PSG11: variants seen among roughly 807,000 people sequenced by gnomAD.
PSG11 encodes the protein pregnancy specific beta-1-glycoprotein 11.
PSG11 carries 42 observed loss-of-function variants against 36.0 expected under a neutral mutation model. The observed-to-expected ratio is 1.17, with a 90% confidence interval of 0.91 to 1.51. The LOEUF is 1.51. PSG11 is among the 40% of genes most tolerant of loss of function. PSG11 has a pLI of 0.00. For synonymous variants in PSG11, 206 were observed against 153.5 expected, an observed-to-expected ratio of 1.34 and a Z score of -2.53; for missense variants, 558 against 403.5, an observed-to-expected ratio of 1.38 and a Z score of -3.28.
rs969875621 is a variant in PSG11, at chr19:43,010,233, G to T, written c.965-192C>A. ...TTCCCTCTCACCATGTTTCTCAGTT[G>T]GTGATCAGTCCTCTGTCAATTCTCT... On this transcript the variant is annotated intron_variant, in intron 4 of 5. Transcript: ENST00000320078. 2.8e-5 allele frequency: 41 copies of T among 1,452,292 alleles called. 2 individuals are homozygous for T. Among genetic ancestry groups the T allele is most frequent in the Non-Finnish European group, 3.7e-5 (41 of 1,101,518 alleles). 90.0% of individuals were successfully genotyped at this position (1,452,292 alleles called of 1,614,324 possible).
rs1187201874 is a variant in PSG11, at chr19:43,007,910, C to T, written c.*173G>A. ...TCCAATGAAATGGAGTTCTTTTCTT[C>T]TTTGTCTTGAATTTCATGAAGGTAT... is the stretch of plus-strand genomic sequence containing the variant. On this transcript the variant is annotated 3_prime_UTR_variant, in exon 6 of 6. Coordinates refer to ENST00000320078, the MANE Select transcript of PSG11 (RefSeq NM_002785.3). 2 of 388,518 alleles carry T rather than the reference C, an allele frequency of 5.1e-6. No individual in the cohort carries two copies. Among genetic ancestry groups the T allele is most frequent in the African/African-American group, 2.1e-5 (1 of 47,636 alleles). The allele number at this position is 388,518 out of a possible 1,614,324, so 24.1% of individuals were successfully genotyped here.
intron 2 of PSG11, 39 bp downstream of exon 2, chr19:43,024,652 C>G (rs1437545911): frequency 6.2e-7 from 1 of 1,609,374 alleles, no homozygotes; most frequent in Admixed American, 1.7e-5. Context: ...GAAGTGACCC[C>G]TGTCCCCCAA....
chr19:43,023,341 G>C (rs1369953308), intron 2 of PSG11, among the ~76,000 whole-genome samples: 1 of 150,938 alleles, frequency 6.6e-6, no homozygotes, highest in Non-Finnish European at 1.5e-5. Context: ...TCCTGAGTGT[G>C]TGTCTCTCGC....
chr19:43,020,637 C>G (rs1217379590), intron 2 of PSG11, among the ~76,000 whole-genome samples: 3 of 151,284 alleles, frequency 2.0e-5, no homozygotes, highest in African/African-American at 7.3e-5. Context: ...TGAATTCCAG[C>G]AGGATCACAT....
At chr19:43,025,831 C>T (rs1288159724) in intron 1 of PSG11, among the ~76,000 whole-genome samples, 5 of 149,768 alleles carry the variant, frequency 3.3e-5, no homozygotes, top group Non-Finnish European at 7.4e-5. Context: ...CTTACCAATT[C>T]CGGTTCAATG....
chr19:43,010,182 A>T, intron 4 of PSG11, 141 bp from the exon 5 acceptor site: 1 of 1,459,066 alleles, frequency 6.9e-7, no homozygotes, highest in Non-Finnish European at 9.1e-7. Flanking sequence ...AATTGATGGG[A>T]GATGATTATA....
intron 5 of PSG11, among the ~76,000 whole-genome samples, 157 bp downstream of exon 5, chr19:43,009,801 A>G (rs1974026836): frequency 6.6e-6 from 1 of 151,328 alleles, no homozygotes; most frequent in African/African-American, 2.4e-5. Context: ...CATAAAGGCC[A>G]GGGAGAAAGG....
chr19:43,015,301 G>A lies in PSG11; in HGVS notation c.779C>T (p.Ser260Phe), dbSNP rs1966932696. ...SYYSGENLDLSCFANSNPPAQ... is the reference protein window; with the variant it reads ...SYYSGENLDLFCFANSNPPAQ... ...TGGTGGGTTAGAGTTTGCGAAGCAG[G>A]ACAAGTCGAGGTTCTCTCCTGAATA... Residue 260 changes from serine (S) to phenylalanine (F), a missense_variant, in exon 4 of 6, where the codon TCC (serine) becomes TTC (phenylalanine). Transcript: ENST00000320078. 22 of 1,610,394 alleles carry A rather than the reference G, an allele frequency of 1.4e-5. 1 individual carries two copies. The highest frequency in any genetic ancestry group is 1.9e-5 in the Non-Finnish European group (22 of 1,177,478).
rs1966978893 is a variant in PSG11 at position 43,016,827 on chromosome 19, T to C, written c.710-1457A>G. On this transcript the variant is annotated intron_variant, in intron 3 of 5. Transcript: ENST00000320078. The stretch of plus-strand genomic sequence containing the variant: ...TTCTGCAGAGGGCAGGTGAGGACCA[T>C]GTGGATCTTTCCAGAAATACATGTG... 2.0e-5 allele frequency among the ~76,000 whole-genome samples: 3 copies of C among 151,464 alleles called. 1 individual carries two copies. The highest frequency in any genetic ancestry group is 4.4e-5 in the Non-Finnish European group (3 of 67,906).
At position 43,015,984 on chromosome 19, in the gene PSG11, G is replaced by T. The variant is rs1405527783; in HGVS notation, c.710-614C>A. The stretch of plus-strand genomic sequence containing the variant: ...TCTTAGGTTCACAGGTGAAGGTTAA[G>T]ACATCCTTATTCTCCCTGGGGTTTA... On this transcript the variant is annotated intron_variant, in intron 3 of 5. Coordinates refer to ENST00000320078, the MANE Select transcript of PSG11 (RefSeq NM_002785.3). 38 of 1,610,072 alleles carry T rather than the reference G, an allele frequency of 2.4e-5. 2 individuals are homozygous for T. The highest frequency in any genetic ancestry group is 8.1e-5 in the African/African-American group (6 of 74,220).
chr19:43,025,556 G>A (rs1008387952), intron 1 of PSG11, among the ~76,000 whole-genome samples: 8 of 151,162 alleles, frequency 5.3e-5, no homozygotes, highest in Middle Eastern at 3.5e-3. Flanking sequence ...AGCTCCGTGA[G>A]GACAGGGACT....
chr19:43,010,974 T>C (rs1440396188), intron 4 of PSG11, among the ~76,000 whole-genome samples: 1 of 150,574 alleles, frequency 6.6e-6, no homozygotes, highest in African/African-American at 2.5e-5. Flanking sequence ...TGCTAAATAC[T>C]TTACCTGTAT....
At chr19:43,016,653 G>C (rs1215116930) in intron 3 of PSG11, among the ~76,000 whole-genome samples, 3 of 151,462 alleles carry the variant, frequency 2.0e-5, no homozygotes, top group Admixed American at 2.0e-4. Context: ...TTTTGCAGGT[G>C]TTTCATGATG....
intron 4 of PSG11, among the ~76,000 whole-genome samples, chr19:43,012,181 A>G (rs1568485876): frequency 6.6e-6 from 1 of 151,430 alleles, no homozygotes. Context: ...GAAAAACCCA[A>G]TGCTAACATC....
At chr19:43,018,010 T>G (rs753163752) in intron 3 of PSG11, among the ~76,000 whole-genome samples, 16 of 150,944 alleles carry the variant, frequency 1.1e-4, no homozygotes, top group Admixed American at 2.0e-4. Flanking sequence ...CTGTCCTGGG[T>G]TTTTGATTTT....
intron 2 of PSG11, among the ~76,000 whole-genome samples, chr19:43,020,388 T>G (rs1967074463): frequency 6.6e-6 from 1 of 151,334 alleles, no homozygotes; most frequent in Non-Finnish European, 1.5e-5. Flanking sequence ...TTTGGAGCAT[T>G]TCAGATTGTG....
Position 43,015,135 on chromosome 19 carries a change from G to C in PSG11, c.945C>G (p.Ser315=), listed in dbSNP as rs1387636348. 11 of 1,612,024 alleles carry C rather than the reference G, an allele frequency of 6.8e-6. No homozygotes were observed. The highest frequency in any genetic ancestry group is 1.3e-5 in the African/African-American group (1 of 74,544). ...ACTTACCAATGACTCTGATTGTCAAGGATGTGGAGCTTTCCTCGCCAGTGG... is the reference window on the plus strand; with the variant it reads ...ACTTACCAATGACTCTGATTGTCAACGATGTGGAGCTTTCCTCGCCAGTGG... ...NSATGEESST[S]LTIRVIAPPG... Residue 315 remains serine, a synonymous_variant, in exon 4 of 6, where the codon TCC becomes TCG. Coordinates refer to ENST00000320078, the MANE Select transcript of PSG11 (RefSeq NM_002785.3).
chr19:43,008,072 C>G (rs3199108), intron 5 of PSG11, 30 bp from the exon 6 acceptor site: 12 of 357,378 alleles, frequency 3.4e-5, no homozygotes, highest in East Asian at 8.0e-5. Context: ...TGGACTGTAG[C>G]TGATTTTAAA....
rs140081956 is a variant in PSG11, at chr19:43,025,193, A to G, written c.65-137T>C. The G allele has an allele frequency of 8.6e-4, 1,170 of 1,355,120 alleles. 49 individuals carry two copies. The East Asian group carries it at 0.027, about 31-fold the overall frequency. 83.9% of individuals were successfully genotyped at this position (1,355,120 alleles called of 1,614,324 possible). A position where few individuals can be genotyped will look rare whatever the true frequency, so the allele number is the denominator to read the frequency against. The stretch of plus-strand genomic sequence containing the variant: ...CACACACACACACACACATACAAAC[A>G]TACACACACAGAAAAGGGGCATGTG... On this transcript the variant is annotated intron_variant, in intron 1 of 5. Coordinates refer to ENST00000320078, the MANE Select transcript of PSG11 (RefSeq NM_002785.3).
Sources: allele counts gnomAD v4.1 joint callset (sites outside exome capture counted in the v4.1 genomes callset), GRCh38; gene constraint gnomAD v4.1.1; transcripts MANE v1.5; gene names NCBI Gene and HGNC (gene_info 2026-07-23, HGNC 2026-07-21).